Variants in COL4A2 observed in about 807,000 individuals in gnomAD.
The protein encoded by COL4A2 is collagen alpha-2(IV) chain.
COL4A2 carries 99 observed loss-of-function variants against 200.2 expected under a neutral mutation model. The observed-to-expected ratio is 0.49, with a 90% CI of 0.42 to 0.58. The LOEUF (loss-of-function observed/expected upper bound fraction) is 0.58, where lower values mean the gene tolerates loss of function less well. Ranked by LOEUF, COL4A2 falls within the 20% of genes least tolerant of loss-of-function variation. The pLI is 0.00. For missense variants in COL4A2, 1,950 were observed against 2,314.1 expected, an observed-to-expected ratio of 0.84 and a Z score of 3.23; for synonymous variants, 897 against 900.6, an observed-to-expected ratio of 1.00 and a Z score of 0.07.
chr13:110,473,289 C>T, intron 29 of COL4A2, 139 bp downstream of exon 29: 1 of 703,016 alleles, frequency 1.4e-6, no homozygotes, highest in South Asian at 2.0e-5. Flanking sequence ...TCTCCCATGG[C>T]CTTCCAGCAC....
rs1157277927 is a variant in COL4A2 at position 110,504,176 on chromosome 13, GC to G, written c.4318del (p.Gln1440LysfsTer19). On this transcript the variant is annotated frameshift_variant, in exon 45 of 48. Coordinates refer to ENST00000360467, the MANE Select transcript of COL4A2 (RefSeq NM_001846.4). LOFTEE classifies it high-confidence loss of function. ...GFRGAPGKAG[P>X]QGRGGVSAVP... ...TCCGTGGGGCTCCAGGGAAAGCTGG[GC>G]CCCAAGGAAGAGGTGGTGTGTCTGC... 1 of 1,614,150 alleles carries G rather than the reference GC, an allele frequency of 6.2e-7. No homozygotes were observed. Among genetic ancestry groups the G allele is most frequent in the Non-Finnish European group, 8.5e-7 (1 of 1,180,016 alleles).
chr13:110,346,614 G>A (rs1187359575), intron 3 of COL4A2, among the ~76,000 whole-genome samples: 30 of 152,128 alleles, frequency 2.0e-4, no homozygotes, highest in Admixed American at 1.7e-3. Flanking sequence ...TGGCTCCAGT[G>A]CTCTGCTGTA....
intron 21 of COL4A2, 54 bp from the exon 22 acceptor site, chr13:110,458,717 C>T (rs1246794919): frequency 4.6e-5 from 74 of 1,608,018 alleles, no homozygotes; most frequent in African/African-American, 2.1e-4. Flanking sequence ...CCCCTCTCCC[C>T]GCCACGCTAA....
intron 4 of COL4A2, among the ~76,000 whole-genome samples, chr13:110,390,702 A>C (rs1878954226): frequency 6.6e-6 from 1 of 152,178 alleles, no homozygotes; most frequent in Non-Finnish European, 1.5e-5. Context: ...TAAATGACAC[A>C]TTCTCAGGAT....
intron 28 of COL4A2, among the ~76,000 whole-genome samples, chr13:110,472,179 G>A (rs961264279): frequency 6.0e-5 from 9 of 150,918 alleles, no homozygotes; most frequent in South Asian, 2.1e-4. Flanking sequence ...GCAGTGGTGC[G>A]ATCTTGGCTC....
intron 4 of COL4A2, among the ~76,000 whole-genome samples, chr13:110,392,957 A>G (rs1373314344): frequency 6.6e-6 from 1 of 152,214 alleles, no homozygotes; most frequent in Non-Finnish European, 1.5e-5. Context: ...AGAGAATAAG[A>G]AGGGAAAAAC....
At chr13:110,401,884 G>T (rs139598628) in intron 4 of COL4A2, among the ~76,000 whole-genome samples, 1 of 152,260 alleles carries the variant, frequency 6.6e-6, no homozygotes, top group Admixed American at 6.5e-5. Context: ...GTGTCCTCAC[G>T]CAGCAGAAAG....
Position 110,485,735 on chromosome 13 carries a change from A to C in COL4A2, c.3106A>C (p.Lys1036Gln). 6.2e-7 allele frequency: 1 copy of C among 1,613,830 alleles called. No homozygotes were observed. Among genetic ancestry groups the C allele is most frequent in the Non-Finnish European group, 8.5e-7 (1 of 1,179,924 alleles). ...GAGGCCCGGCCACATCAAAGGAGTC[A>C]AGGGAGACATCGGAGTCCCCGGCAT... ...PGRPGHIKGV[K>Q]GDIGVPGIPG... The change falls in exon 34 of 48, where the codon AAG (lysine) becomes CAG (glutamine). Residue 1036 changes from lysine (K) to glutamine (Q), a missense_variant. Physicochemically the swap from Lys to Gln is moderately conservative, Grantham distance 53 (BLOSUM62 1). Coordinates refer to ENST00000360467, the MANE Select transcript of COL4A2 (RefSeq NM_001846.4).
At chr13:110,436,479 C>G (rs370517940) in intron 13 of COL4A2, 112 bp downstream of exon 13, 1 of 1,377,156 alleles carries the variant, frequency 7.3e-7, no homozygotes, top group African/African-American at 1.5e-5. Context: ...TCACCACCAA[C>G]TTGGCACATT....
intron 4 of COL4A2, among the ~76,000 whole-genome samples, chr13:110,375,554 G>A (rs143720392): frequency 3.1e-4 from 47 of 152,276 alleles, no homozygotes; most frequent in African/African-American, 1.0e-3. Context: ...GACAGAGCCG[G>A]TGCAGTGTCT....
At chr13:110,391,068 C>G (rs1028629144) in intron 4 of COL4A2, among the ~76,000 whole-genome samples, 4 of 152,148 alleles carry the variant, frequency 2.6e-5, no homozygotes, top group African/African-American at 9.7e-5. Flanking sequence ...GATACTCCCT[C>G]ATTCATGAAA....
chr13:110,390,071 G>T (rs1325796219), intron 4 of COL4A2, among the ~76,000 whole-genome samples: 2 of 152,092 alleles, frequency 1.3e-5, no homozygotes, highest in Non-Finnish European at 2.9e-5. Flanking sequence ...AGTGTTAACG[G>T]CCTCAATTCA....
In COL4A2 at chr13:110,458,915, C is replaced by T. The variant is rs745382040; in HGVS notation, c.1577C>T (p.Pro526Leu). Residue 526 changes from proline (P) to leucine (L), a missense_variant, in exon 22 of 48, where the codon CCT becomes CTT. Transcript: ENST00000360467. ...DRGDPGQHGL[P>L]GFPGLKGVPG... ...GGAGACCCCGGCCAACACGGCCTCC[C>T]TGGGTTCCCAGGGCTCAAGGTGAGG... The T allele has an allele frequency of 1.3e-6, 2 of 1,584,938 alleles. No homozygotes were observed. Among genetic ancestry groups the T allele is most frequent in the African/African-American group, 2.7e-5 (2 of 73,486 alleles).
At chr13:110,383,927 A>G (rs1226838688) in intron 4 of COL4A2, among the ~76,000 whole-genome samples, 1 of 152,118 alleles carries the variant, frequency 6.6e-6, no homozygotes, top group African/African-American at 2.4e-5. Context: ...AGCCCTTTTC[A>G]AGCTGCAGCA....
intron 10 of COL4A2, among the ~76,000 whole-genome samples, chr13:110,431,555 T>TA (rs1252583761): frequency 8.5e-5 from 13 of 152,208 alleles, no homozygotes; most frequent in African/African-American, 3.1e-4. Flanking sequence ...ATCAGGGTCA[T>TA]ACGAGGCGCT....
At chr13:110,412,755 A>G (rs2139442065) in intron 4 of COL4A2, among the ~76,000 whole-genome samples, 1 of 152,280 alleles carries the variant, frequency 6.6e-6, no homozygotes, top group African/African-American at 2.4e-5. Flanking sequence ...AATTTGGAGG[A>G]GGGAGTCCTG....
At chr13:110,383,606 C>CTTTTTT (rs67906394) in intron 4 of COL4A2, among the ~76,000 whole-genome samples, 24 of 65,348 alleles carry the variant, frequency 3.7e-4, no homozygotes, top group Non-Finnish European at 5.8e-4. Context: ...CAGCCCTTTT[C>CTTTTTT]TTTTTTTTTT....
rs1468232333 is a variant in COL4A2, at chr13:110,307,327, G to C, written c.-246G>C. On this transcript the variant is annotated 5_prime_UTR_variant, in exon 1 of 48. Coordinates refer to ENST00000360467, the MANE Select transcript of COL4A2 (RefSeq NM_001846.4). This position sits in a 1 kb window ranked among gnomAD's most constrained non-coding sequence, Gnocchi z 5.0. ...CCGGGACACCAGGGCTCCGCGCTCC[G>C]CACTCAAGAGGCTCCCGCGTCCCAA... 1.9e-5 allele frequency: 6 copies of C among 319,364 alleles called. No homozygotes were observed. The highest frequency in any genetic ancestry group is 2.8e-5 in the Non-Finnish European group (5 of 176,096). The allele number at this position is 319,364 out of a possible 1,614,324, so 19.8% of individuals were successfully genotyped here. A position where few individuals can be genotyped will look rare whatever the true frequency, so the allele number is the denominator to read the frequency against.
intron 3 of COL4A2, among the ~76,000 whole-genome samples, chr13:110,324,108 GTT>G (rs35281722): frequency 8.5e-4 from 127 of 149,336 alleles, no homozygotes; most frequent in Non-Finnish European, 1.6e-3. Context: ...TAATAGCATG[GTT>G]TTTTTTTTTC....
Sources: gnomAD v4.1 joint callset for allele counts (sites outside exome capture counted in the v4.1 genomes callset) on GRCh38, gnomAD v4.1.1 for gene constraint, Gnocchi (gnomAD v3.1) non-coding constraint, MANE v1.5 for transcripts, NCBI Gene and HGNC (gene_info 2026-07-23, HGNC 2026-07-21) for gene names.